Variants in MAML3 observed in about 807,000 individuals in gnomAD.
MAML3 encodes the protein mastermind like transcriptional coactivator 3.
Under a neutral mutation model 101.9 loss-of-function variants are expected in MAML3, and 27 were observed. The ratio of observed to expected loss-of-function variants is 0.27; its 90% confidence interval spans 0.20 to 0.37. The LOEUF is 0.37. Among genes scored for constraint, MAML3 ranks in the 10% least tolerant of loss-of-function variants. MAML3 has a pLI of 1.00. For synonymous variants in MAML3, 501 were observed against 555.9 expected (o/e 0.90, Z 1.39); for missense variants, 1,316 against 1,444.9 (o/e 0.91, Z 1.45).
chr4:139,804,035 C>A (rs1343976817), intron 2 of MAML3, among the ~76,000 whole-genome samples: 1 of 152,124 alleles, frequency 6.6e-6, no homozygotes, highest in African/African-American at 2.4e-5. Flanking sequence ...ATCGGCAGAC[C>A]CAACTTCCTG....
In MAML3 at chr4:140,153,474, G is replaced by GA. The variant is rs1043933677; in HGVS notation, c.-148dup. On this transcript the variant is annotated 5_prime_UTR_variant, in exon 1 of 5. Coordinates refer to ENST00000509479, the MANE Select transcript of MAML3 (RefSeq NM_018717.5). ...ATGGAAACGGCGATCCCGACGGGGC[G>GA]AAAAAAACGGGGGGGGAGATTTTGG... is the stretch of plus-strand genomic sequence containing the variant. 2.2e-4 allele frequency: 128 copies of GA among 589,520 alleles called. No individual in the cohort carries two copies. In the African/African-American group the frequency reaches 2.4e-3, roughly 11 times the overall value. The allele number at this position is 589,520 out of a possible 1,614,324, so 36.5% of individuals were successfully genotyped here.
chr4:139,987,936 C>T (rs1382454195), intron 1 of MAML3, among the ~76,000 whole-genome samples: 3 of 145,206 alleles, frequency 2.1e-5, no homozygotes, highest in Admixed American at 7.2e-5. Flanking sequence ...GCAGGAGAAT[C>T]GCTTGAACTC....
intron 2 of MAML3, chr4:139,888,585 C>T (rs1337273389): frequency 1.9e-6 from 1 of 519,008 alleles, no homozygotes; most frequent in Non-Finnish European, 3.8e-6. Flanking sequence ...CTATTCACTT[C>T]CCGACTGGTT....
At chr4:140,121,202 A>C (rs1290853986) in intron 1 of MAML3, among the ~76,000 whole-genome samples, 1 of 152,244 alleles carries the variant, frequency 6.6e-6, no homozygotes, top group Non-Finnish European at 1.5e-5. Flanking sequence ...CGAAGCAGAG[A>C]CATTTAGCTA....
intron 1 of MAML3, among the ~76,000 whole-genome samples, chr4:139,917,728 C>T (rs184455171): frequency 4.6e-5 from 7 of 152,256 alleles, no homozygotes; most frequent in African/African-American, 1.7e-4. Context: ...GGCTAATGAG[C>T]TTCCTGTCCC....
intron 1 of MAML3, among the ~76,000 whole-genome samples, chr4:140,072,095 G>C (rs998386747): frequency 3.9e-5 from 6 of 152,120 alleles, no homozygotes; most frequent in African/African-American, 1.4e-4. Flanking sequence ...TCCCTCAACA[G>C]TATTAAAAGT....
intron 1 of MAML3, among the ~76,000 whole-genome samples, chr4:140,126,257 C>T (rs1728684775): frequency 6.6e-6 from 1 of 152,040 alleles, no homozygotes; most frequent in Non-Finnish European, 1.5e-5. Context: ...GAAAGGGGCC[C>T]CTCTTAAATG....
intron 2 of MAML3, among the ~76,000 whole-genome samples, chr4:139,839,673 C>A (rs1216166013): frequency 6.6e-6 from 1 of 152,118 alleles, no homozygotes; most frequent in African/African-American, 2.4e-5. Flanking sequence ...GAAATAAATT[C>A]ATCACTCATG....
At chr4:139,896,607 G>GGTGTATGTGTGTGTGTGT (rs1732617465) in intron 1 of MAML3, among the ~76,000 whole-genome samples, 2 of 144,680 alleles carry the variant, frequency 1.4e-5, no homozygotes, top group African/African-American at 5.2e-5. Flanking sequence ...CTGTGAAACT[G>GGTGTATGTGTGTGTGTGT]GTGTGTGTGT....
chr4:139,815,302 C>G (rs809945), intron 2 of MAML3, among the ~76,000 whole-genome samples: 2 of 152,102 alleles, frequency 1.3e-5, no homozygotes, highest in Admixed American at 1.3e-4. Flanking sequence ...ATTTCTCTTA[C>G]AACAGGTAAA....
chr4:139,901,643 G>T (rs978269475), intron 1 of MAML3, among the ~76,000 whole-genome samples: 1 of 152,178 alleles, frequency 6.6e-6, no homozygotes, highest in African/African-American at 2.4e-5. Flanking sequence ...GGAGGAGGAT[G>T]GCAAATGAAA....
At chr4:139,921,256 C>T (rs928725924) in intron 1 of MAML3, among the ~76,000 whole-genome samples, 1 of 152,196 alleles carries the variant, frequency 6.6e-6, no homozygotes, top group Non-Finnish European at 1.5e-5. Context: ...TGCTTAACTT[C>T]CACGATTTTC....
At chr4:139,737,557 AT>A (rs142347866) in intron 2 of MAML3, among the ~76,000 whole-genome samples, 2 of 151,762 alleles carry the variant, frequency 1.3e-5, no homozygotes, top group African/African-American at 4.8e-5. Context: ...AATATGCATC[AT>A]TTTTTTTAAT....
At chr4:140,021,596 T>C (rs1521494) in intron 1 of MAML3, among the ~76,000 whole-genome samples, 127,029 of 151,794 alleles carry the variant, frequency 0.84, 53,997 homozygotes, top group Non-Finnish European at 0.91. Flanking sequence ...TTTTTTTCCT[T>C]ATTTTTAAAA....
intron 1 of MAML3, among the ~76,000 whole-genome samples, chr4:140,128,414 A>G (rs1469306242): frequency 6.6e-6 from 1 of 152,174 alleles, no homozygotes; most frequent in East Asian, 1.9e-4. Flanking sequence ...TGTATGGAGC[A>G]CCTGCAATAT....
chr4:140,105,589 A>T (rs1324778823), intron 1 of MAML3, among the ~76,000 whole-genome samples: 1 of 152,236 alleles, frequency 6.6e-6, no homozygotes, highest in Non-Finnish European at 1.5e-5. Context: ...TTCAAGTTAG[A>T]TCGCACTCAT....
At chr4:139,826,800 C>A (rs1731068273) in intron 2 of MAML3, among the ~76,000 whole-genome samples, 1 of 152,144 alleles carries the variant, frequency 6.6e-6, no homozygotes, top group African/African-American at 2.4e-5. Flanking sequence ...AGAACACAGA[C>A]TCGACCCTTG....
intron 1 of MAML3, among the ~76,000 whole-genome samples, chr4:139,983,869 C>T (rs1374418403): frequency 6.6e-6 from 1 of 152,146 alleles, no homozygotes; most frequent in African/African-American, 2.4e-5. Context: ...TCAGCACCCC[C>T]ATGTGTTTTA....
At chr4:139,999,274 A>C (rs1334480421) in intron 1 of MAML3, among the ~76,000 whole-genome samples, 2 of 152,200 alleles carry the variant, frequency 1.3e-5, no homozygotes, top group African/African-American at 4.8e-5. Context: ...GCCACTAGTC[A>C]TGAGCACTGT....
Sources: gnomAD v4.1 joint callset for allele counts (sites outside exome capture counted in the v4.1 genomes callset) on GRCh38, gnomAD v4.1.1 for gene constraint, MANE v1.5 for transcripts, NCBI Gene and HGNC (gene_info 2026-07-23, HGNC 2026-07-21) for gene names.